CMIP: variants seen among roughly 807,000 people sequenced by gnomAD.
CMIP encodes C-Maf-inducing protein.
CMIP carries 13 observed loss-of-function variants against 97.3 expected under a neutral mutation model. That is an observed-to-expected ratio of 0.13 (90% CI 0.09 to 0.21). CMIP has a LOEUF of 0.21. CMIP is among the 10% of genes least tolerant of loss of function. CMIP has a pLI of 1.00. For synonymous variants in CMIP, 538 were observed against 436.3 expected, an observed-to-expected ratio of 1.23 and a Z score of -2.91; for missense variants, 847 against 1,024.9, an observed-to-expected ratio of 0.83 and a Z score of 2.37.
At chr16:81,625,202 C>A (rs1054262873) in intron 3 of CMIP, among the ~76,000 whole-genome samples, 2 of 152,218 alleles carry the variant, frequency 1.3e-5, no homozygotes, top group African/African-American at 4.8e-5. Context: ...TCTGAGGAGG[C>A]CTGGAGCCTG....
At chr16:81,619,824 C>A (rs977684568) in intron 2 of CMIP, 11 of 152,360 alleles carry the variant, frequency 7.2e-5, no homozygotes, top group African/African-American at 2.4e-4. Context: ...CTTCACAGGG[C>A]TGTCTTGTAA....
chr16:81,699,547 G>T, intron 14 of CMIP, 138 bp from the exon 15 acceptor site: 1 of 609,644 alleles, frequency 1.6e-6, no homozygotes, highest in Non-Finnish European at 3.0e-6. Flanking sequence ...CTGGGGCCTG[G>T]TGATCCTAGA....
intron 1 of CMIP, among the ~76,000 whole-genome samples, chr16:81,460,238 A>C (rs1398258374): frequency 1.3e-5 from 2 of 152,070 alleles, no homozygotes; most frequent in African/African-American, 2.4e-5. Flanking sequence ...GGGTCTGGCC[A>C]GTGGAGAGCC....
At position 81,627,667 on chromosome 16, in the gene CMIP, G is replaced by T. The variant is rs1459574590; in HGVS notation, c.477+6741G>T. On this transcript the variant is annotated intron_variant, in intron 3 of 20. Transcript: ENST00000537098. The surrounding 1 kb of genome is among the most constrained non-coding windows in gnomAD (Gnocchi z 4.6). ...TGCTCCTGAGTCCGGAAACAGTTCT[G>T]TGGGGTCCACATCCCTCCCCCATCT... Among the ~76,000 whole-genome samples the T allele has an allele frequency of 6.6e-6, 1 of 152,080 alleles. No homozygotes were observed. The highest frequency in any genetic ancestry group is 1.5e-5 in the Non-Finnish European group (1 of 67,994).
At chr16:81,613,057 T>C (rs1358114242) in intron 2 of CMIP, among the ~76,000 whole-genome samples, 7 of 152,232 alleles carry the variant, frequency 4.6e-5, no homozygotes, top group Admixed American at 2.6e-4. Context: ...GTGCTGGGAC[T>C]CAAGACATTG....
chr16:81,633,356 G>T (rs2092190814), intron 3 of CMIP, among the ~76,000 whole-genome samples: 2 of 152,296 alleles, frequency 1.3e-5, no homozygotes, highest in South Asian at 4.2e-4. Context: ...TTCTTTTGTT[G>T]GCCTCCAGGG....
intron 7 of CMIP, among the ~76,000 whole-genome samples, chr16:81,668,880 T>C (rs1303322304): frequency 9.3e-5 from 5 of 53,702 alleles, no homozygotes; most frequent in East Asian, 3.0e-3. Context: ...CTCACACTCA[T>C]TGCCTTCCGT....
At chr16:81,450,411 C>A (rs1296622418) in intron 1 of CMIP, among the ~76,000 whole-genome samples, 1 of 152,080 alleles carries the variant, frequency 6.6e-6, no homozygotes, top group Admixed American at 6.6e-5. Flanking sequence ...CTTTGCTTTC[C>A]CTTGCTGGGC....
intron 1 of CMIP, among the ~76,000 whole-genome samples, chr16:81,528,364 G>A (rs1715045211): frequency 6.6e-6 from 1 of 152,004 alleles, no homozygotes; most frequent in Admixed American, 6.5e-5. Context: ...GTCTCATGCT[G>A]AATGCTGGAT....
chr16:81,649,960 A>G lies in CMIP; in HGVS notation c.478-2243A>G, dbSNP rs1009732915. Among the ~76,000 whole-genome samples, 8 of 152,206 alleles carry G rather than the reference A, an allele frequency of 5.3e-5. No individual in the cohort carries two copies. The East Asian group carries it at 5.8e-4, about 11-fold the overall frequency. On this transcript the variant is annotated intron_variant, in intron 3 of 20. Transcript: ENST00000537098. ...ATGTTGGGTTTTGCACAGATATTTC[A>G]TCGTGCTATTCAGGCAGCGTGTCCT...
At chr16:81,543,445 G>T (rs892094241) in intron 1 of CMIP, among the ~76,000 whole-genome samples, 1 of 152,168 alleles carries the variant, frequency 6.6e-6, no homozygotes, top group African/African-American at 2.4e-5. Context: ...GTTCAGGGCC[G>T]CCCAGGGCTC....
chr16:81,616,706 G>T lies in CMIP; in HGVS notation c.427-4170G>T, dbSNP rs761933998. ...GAAAGCCAAGTGTGGCTGGGGAAGG[G>T]GGTCACACCCTCCTATGGGAGGAAA... On this transcript the variant is annotated intron_variant, in intron 2 of 20. Transcript: ENST00000537098. This position sits in a 1 kb window ranked among gnomAD's most constrained non-coding sequence, Gnocchi z 4.7. Among the ~76,000 whole-genome samples the T allele has an allele frequency of 3.0e-4, 45 of 152,358 alleles. No individual in the cohort carries two copies. The highest frequency in any genetic ancestry group is 6.2e-4 in the Non-Finnish European group (42 of 68,032).
chr16:81,542,347 C>T (rs998790303), intron 1 of CMIP, among the ~76,000 whole-genome samples: 4 of 152,144 alleles, frequency 2.6e-5, no homozygotes, highest in Non-Finnish European at 4.4e-5. Flanking sequence ...CTGTTTGTCA[C>T]GCAGGCATTT....
intron 1 of CMIP, among the ~76,000 whole-genome samples, chr16:81,456,080 A>T (rs1173008067): frequency 6.6e-6 from 1 of 152,160 alleles, no homozygotes; most frequent in Non-Finnish European, 1.5e-5. Flanking sequence ...TGGTTGGTTC[A>T]TGTTTCACGA....
intron 1 of CMIP, among the ~76,000 whole-genome samples, chr16:81,483,909 G>A (rs150794522): frequency 6.6e-6 from 1 of 152,268 alleles, no homozygotes; most frequent in East Asian, 1.9e-4. Flanking sequence ...GGAATTGTCT[G>A]CATTTTATGT....
intron 1 of CMIP, among the ~76,000 whole-genome samples, chr16:81,546,931 T>A (rs559632102): frequency 6.6e-6 from 1 of 152,202 alleles, no homozygotes; most frequent in East Asian, 1.9e-4. Flanking sequence ...AGAGTGCCGA[T>A]GTAGAACATT....
chr16:81,478,281 A>G (rs1317283809), intron 1 of CMIP, among the ~76,000 whole-genome samples: 2 of 152,218 alleles, frequency 1.3e-5, no homozygotes, highest in African/African-American at 4.8e-5. Flanking sequence ...AGGCTTTTAC[A>G]GGGGCAGAGG....
intron 1 of CMIP, among the ~76,000 whole-genome samples, chr16:81,463,537 C>G (rs1224802071): frequency 1.3e-5 from 2 of 152,222 alleles, no homozygotes; most frequent in Non-Finnish European, 2.9e-5. Flanking sequence ...ATGGAGTCCT[C>G]TCTCCTCCCT....
intron 14 of CMIP, chr16:81,696,895 C>G: frequency 1.7e-6 from 1 of 581,778 alleles, no homozygotes; most frequent in Non-Finnish European, 3.1e-6. Flanking sequence ...TTCCCAGTTG[C>G]ACTCAGCTCT....
Sources: allele counts gnomAD v4.1 joint callset (sites outside exome capture counted in the v4.1 genomes callset), GRCh38; gene constraint gnomAD v4.1.1; non-coding constraint Gnocchi (gnomAD v3.1); transcripts MANE v1.5; gene names NCBI Gene and HGNC (gene_info 2026-07-23, HGNC 2026-07-21).